FSTL4: variants seen among roughly 807,000 people sequenced by gnomAD.
The protein encoded by FSTL4 is follistatin-related protein 4.
In FSTL4, 28 loss-of-function variants were observed where a neutral mutation model predicts 78.2. That is an observed-to-expected ratio of 0.36 (90% CI 0.27 to 0.49). The LOEUF (loss-of-function observed/expected upper bound fraction) is 0.49. Ranked by LOEUF, FSTL4 falls within the 20% of genes least tolerant of loss-of-function variation. The probability of loss-of-function intolerance (pLI) is 0.98; values close to 1 mark genes in which losing one functional copy is unlikely to be tolerated. For synonymous variants in FSTL4, 422 were observed against 440.5 expected, an observed-to-expected ratio of 0.96 and a Z score of 0.53; for missense variants, 922 against 1,084.9, an observed-to-expected ratio of 0.85 and a Z score of 2.11.
At chr5:133,820,613 A>T in the FSTL4 span, among the ~76,000 whole-genome samples, 3 of 152,258 alleles carry the variant, frequency 2.0e-5, no homozygotes, top group Non-Finnish European at 4.4e-5. Context: ...GAGAGAAAAT[A>T]GTTACTTTAC....
At chr5:133,521,754 T>G (rs77372465) in intron 3 of FSTL4, among the ~76,000 whole-genome samples, 8,677 of 152,262 alleles carry the variant, frequency 0.057, 322 homozygotes, top group Non-Finnish European at 0.079. Context: ...CTTGTGAGAA[T>G]TTTTATTTAG....
chr5:133,635,094 C>T, the FSTL4 span, among the ~76,000 whole-genome samples: 2 of 151,348 alleles, frequency 1.3e-5, no homozygotes, highest in African/African-American at 4.9e-5. Flanking sequence ...AAAACATAGA[C>T]ACTATAATGT....
At chr5:133,239,873 G>A (rs528271611) in intron 7 of FSTL4, among the ~76,000 whole-genome samples, 4 of 152,156 alleles carry the variant, frequency 2.6e-5, no homozygotes, top group Non-Finnish European at 5.9e-5. Flanking sequence ...CTGTCAAAAC[G>A]GACCAATCAG....
At chr5:133,636,343 C>G in the FSTL4 span, among the ~76,000 whole-genome samples, 2 of 152,180 alleles carry the variant, frequency 1.3e-5, no homozygotes, top group Admixed American at 6.5e-5. Context: ...GTGGGAATTC[C>G]AAAGTTGTGT....
At chr5:133,747,895 G>C in the FSTL4 span, among the ~76,000 whole-genome samples, 2 of 152,264 alleles carry the variant, frequency 1.3e-5, no homozygotes, top group African/African-American at 4.8e-5. Flanking sequence ...GATATACTCA[G>C]TTTTGAAAAC....
At chr5:133,206,382 A>C (rs1479451359) in intron 14 of FSTL4, among the ~76,000 whole-genome samples, 1 of 152,058 alleles carries the variant, frequency 6.6e-6, no homozygotes, top group Non-Finnish European at 1.5e-5. Context: ...TTGAGATAAA[A>C]TCTCATTCTG....
At chr5:133,627,340 C>G in the FSTL4 span, among the ~76,000 whole-genome samples, 1 of 152,036 alleles carries the variant, frequency 6.6e-6, no homozygotes, top group Non-Finnish European at 1.5e-5. Context: ...TAGCAGCAGA[C>G]AAGACAATGA....
At chr5:133,762,892 T>G in the FSTL4 span, among the ~76,000 whole-genome samples, 2 of 152,174 alleles carry the variant, frequency 1.3e-5, no homozygotes, top group Non-Finnish European at 2.9e-5. Context: ...ACCCAAAGCA[T>G]GAAGCTGCTG....
intron 7 of FSTL4, among the ~76,000 whole-genome samples, chr5:133,235,086 C>G (rs1197683750): frequency 6.6e-6 from 1 of 152,130 alleles, no homozygotes; most frequent in Non-Finnish European, 1.5e-5. Flanking sequence ...TCCCTGGGTC[C>G]TCCGCTGATA....
chr5:133,570,867 C>T (rs1480386280), intron 2 of FSTL4, among the ~76,000 whole-genome samples: 1 of 152,030 alleles, frequency 6.6e-6, no homozygotes, highest in African/African-American at 2.4e-5. Context: ...TGCATAGAAG[C>T]CAAACAGAAT....
At chr5:133,457,908 CA>C (rs1164255389) in intron 3 of FSTL4, 2 of 152,182 alleles carry the variant, frequency 1.3e-5, no homozygotes, top group Non-Finnish European at 2.9e-5. Flanking sequence ...AGCTGAGCAT[CA>C]GATTCCAATT....
chr5:133,745,809 C>T, the FSTL4 span, among the ~76,000 whole-genome samples: 5 of 152,206 alleles, frequency 3.3e-5, no homozygotes, highest in Non-Finnish European at 7.3e-5. Flanking sequence ...GAGGTTAGAT[C>T]GATTCCAGAA....
the FSTL4 span, among the ~76,000 whole-genome samples, chr5:133,792,635 C>T: frequency 1.3e-5 from 2 of 152,148 alleles, no homozygotes; most frequent in African/African-American, 4.8e-5. Flanking sequence ...CTGAGGGCAC[C>T]GAGGTTAGGT....
intron 3 of FSTL4, among the ~76,000 whole-genome samples, chr5:133,428,787 G>C (rs1201742778): frequency 6.6e-6 from 1 of 152,114 alleles, no homozygotes; most frequent in Non-Finnish European, 1.5e-5. Flanking sequence ...TCTTCCAAAG[G>C]GTTTTTCTGT....
chr5:133,322,458 C>A (rs565026982), intron 4 of FSTL4, among the ~76,000 whole-genome samples: 18 of 152,228 alleles, frequency 1.2e-4, no homozygotes, highest in East Asian at 1.2e-3. Context: ...TAGGGGCAAG[C>A]AGCATATTTG....
At chr5:133,672,711 C>T in the FSTL4 span, among the ~76,000 whole-genome samples, 1 of 152,178 alleles carries the variant, frequency 6.6e-6, no homozygotes, top group African/African-American at 2.4e-5. Context: ...TTGTTCCTGC[C>T]ACAGCTCTCC....
the FSTL4 span, among the ~76,000 whole-genome samples, chr5:133,658,810 A>G: frequency 4.6e-5 from 7 of 152,294 alleles, no homozygotes; most frequent in African/African-American, 7.2e-5. Flanking sequence ...CACATAATTT[A>G]GCATGTGCTG....
At chr5:133,612,848 C>T (rs1032563783), upstream of FSTL4, among the ~76,000 whole-genome samples, 1 of 152,180 alleles carries the variant, frequency 6.6e-6, no homozygotes, top group Non-Finnish European at 1.5e-5. The surrounding 1 kb of genome is among the most constrained non-coding windows in gnomAD (Gnocchi z 6.2). Context: ...CAAAGCTGTG[C>T]TCTCCAGGCG....
At chr5:133,415,327 C>T in intron 3 of FSTL4, among the ~76,000 whole-genome samples, 1 of 152,186 alleles carries the variant, frequency 6.6e-6, no homozygotes, top group East Asian at 1.9e-4. Context: ...TGATGTATTT[C>T]CACCTAAAGC....
Sources: gnomAD v4.1 joint callset for allele counts (sites outside exome capture counted in the v4.1 genomes callset) on GRCh38, gnomAD v4.1.1 for gene constraint, Gnocchi (gnomAD v3.1) non-coding constraint, MANE v1.5 for transcripts, NCBI Gene and HGNC (gene_info 2026-07-23, HGNC 2026-07-21) for gene names.